THRB: variants seen among roughly 807,000 people sequenced by gnomAD.
The protein encoded by THRB is thyroid hormone receptor beta.
Under a neutral mutation model 47.8 loss-of-function variants are expected in THRB, and 12 were observed. That is an observed-to-expected ratio of 0.25 (90% confidence interval 0.16 to 0.41). The LOEUF is 0.41. Ranked by LOEUF, THRB falls within the 10% of genes least tolerant of loss-of-function variation. The pLI is 1.00. For synonymous variants in THRB, 218 were observed against 212.2 expected (o/e 1.03, Z -0.24); for missense variants, 348 against 589.2 (o/e 0.59, Z 4.24).
chr3:24,272,037 C>T lies in THRB; in HGVS notation c.-43+25189G>A, dbSNP rs148774017. On this transcript the variant is annotated intron_variant, in intron 3 of 10. Coordinates refer to ENST00000646209, the MANE Select transcript of THRB (RefSeq NM_001354712.2). ...CATAATCTTTGGATGGATAGGATTG[C>T]GGACAATTTAAAATTTTCCTATAGT... Among the ~76,000 whole-genome samples the T allele has an allele frequency of 2.6e-3, 391 of 152,226 alleles. 10 individuals are homozygous for T. The highest frequency in any genetic ancestry group is 0.025 in the East Asian group (128 of 5,184).
At position 24,316,229 on chromosome 3, in the gene THRB, CTGGTCAACCACCAAAACAAAA is replaced by C. The variant is rs2058102408; in HGVS notation, c.-188-18879_-188-18859del. On this transcript the variant is annotated intron_variant, in intron 2 of 10. Coordinates refer to ENST00000646209, the MANE Select transcript of THRB (RefSeq NM_001354712.2). The stretch of plus-strand genomic sequence containing the variant: ...TACTACAGAGTCATGAAAATAACTG[CTGGTCAACCACCAAAACAAAA>C]TTTGGCTGAGCACATACTTCTAAAA... 2.0e-5 allele frequency among the ~76,000 whole-genome samples: 3 copies of C among 152,174 alleles called. No individual in the cohort carries two copies. In the South Asian group the frequency reaches 6.2e-4, roughly 32 times the overall value.
In THRB at chr3:24,122,484, C is replaced by T; in HGVS notation, c.*400G>A. The T allele has an allele frequency of 3.3e-6, 1 of 303,724 alleles. No homozygotes were observed. Among genetic ancestry groups the T allele is most frequent in the South Asian group, 3.4e-5 (1 of 29,612 alleles). 18.8% of individuals were successfully genotyped at this position (303,724 alleles called of 1,614,324 possible). On this transcript the variant is annotated 3_prime_UTR_variant, in exon 11 of 11. Coordinates refer to ENST00000646209, the MANE Select transcript of THRB (RefSeq NM_001354712.2). ...TGGTCTGTGCTCTGTTAACTTCAGC[C>T]CTGCGAACATCAGGATTGGGTGGAG...
At chr3:24,378,301 T>C (rs984690928) in intron 1 of THRB, among the ~76,000 whole-genome samples, 2 of 152,204 alleles carry the variant, frequency 1.3e-5, no homozygotes, top group African/African-American at 2.4e-5. Context: ...TGGATAAATG[T>C]AGTAAAATTA....
intron 1 of THRB, among the ~76,000 whole-genome samples, chr3:24,406,781 G>A (rs898895034): frequency 1.3e-5 from 2 of 151,884 alleles, no homozygotes; most frequent in African/African-American, 2.4e-5. Context: ...AATAGAGAGA[G>A]ACATCACAAT....
At chr3:24,280,485 G>GA (rs1257625837) in intron 3 of THRB, among the ~76,000 whole-genome samples, 3 of 152,130 alleles carry the variant, frequency 2.0e-5, no homozygotes, top group African/African-American at 7.2e-5. Context: ...CAAAGATGGG[G>GA]AAAAAACAGA....
At chr3:24,413,780 T>C (rs1158073405) in intron 1 of THRB, among the ~76,000 whole-genome samples, 1 of 151,736 alleles carries the variant, frequency 6.6e-6, no homozygotes, top group Non-Finnish European at 1.5e-5. Context: ...AGTGTTCTCG[T>C]TGTTCAATTC....
intron 3 of THRB, among the ~76,000 whole-genome samples, chr3:24,271,862 G>T (rs2150663107): frequency 6.6e-6 from 1 of 152,094 alleles, no homozygotes; most frequent in South Asian, 2.1e-4. Flanking sequence ...CAATAGTAAA[G>T]GTAGAAGGGA....
chr3:24,196,794 G>C (rs1023520243), intron 4 of THRB, among the ~76,000 whole-genome samples: 1 of 152,228 alleles, frequency 6.6e-6, no homozygotes, highest in Non-Finnish European at 1.5e-5. Context: ...TTGGTGAAGT[G>C]AGCATTTCCT....
At chr3:24,488,506 T>C (rs1380115499) in intron 1 of THRB, among the ~76,000 whole-genome samples, 2 of 151,710 alleles carry the variant, frequency 1.3e-5, no homozygotes. Flanking sequence ...AGTTGAGATA[T>C]GTAAGCCACA....
intron 1 of THRB, among the ~76,000 whole-genome samples, chr3:24,387,078 C>T (rs946459228): frequency 6.6e-6 from 1 of 152,134 alleles, no homozygotes; most frequent in African/African-American, 2.4e-5. Context: ...CATGGCTCTA[C>T]ATATAATAAT....
intron 1 of THRB, among the ~76,000 whole-genome samples, chr3:24,360,712 A>G (rs1427123304): frequency 6.6e-6 from 1 of 152,154 alleles, no homozygotes; most frequent in Non-Finnish European, 1.5e-5. Flanking sequence ...ATTGTTTTAT[A>G]TAGTTCACTT....
At chr3:24,405,911 A>G (rs1395405065) in intron 1 of THRB, among the ~76,000 whole-genome samples, 1 of 151,484 alleles carries the variant, frequency 6.6e-6, no homozygotes, top group East Asian at 1.9e-4. Context: ...ATTATTTTAT[A>G]TATATTTTAA....
chr3:24,184,416 G>C (rs999799462), intron 5 of THRB, among the ~76,000 whole-genome samples: 3 of 152,150 alleles, frequency 2.0e-5, no homozygotes, highest in Non-Finnish European at 4.4e-5. Flanking sequence ...GAAAGCGTGG[G>C]GTGGTCCATC....
chr3:24,329,639 C>T (rs953218699), intron 2 of THRB, among the ~76,000 whole-genome samples: 4 of 152,244 alleles, frequency 2.6e-5, no homozygotes, highest in African/African-American at 9.6e-5. Flanking sequence ...AGTCATGTAT[C>T]CTTTCCACCA....
intron 1 of THRB, among the ~76,000 whole-genome samples, chr3:24,415,235 T>G (rs565749904): frequency 6.6e-6 from 1 of 151,826 alleles, no homozygotes; most frequent in African/African-American, 2.4e-5. Context: ...CTTGTGGGAA[T>G]TGGGACTCAG....
intron 1 of THRB, among the ~76,000 whole-genome samples, chr3:24,423,716 T>A (rs947647290): frequency 1.3e-5 from 2 of 151,894 alleles, no homozygotes; most frequent in African/African-American, 4.8e-5. Context: ...ATATCTGGTG[T>A]AACATGATTA....
At chr3:24,284,660 G>A (rs1382936767) in intron 3 of THRB, among the ~76,000 whole-genome samples, 2 of 149,212 alleles carry the variant, frequency 1.3e-5, no homozygotes, top group Admixed American at 6.6e-5. Context: ...CAGAATGGGA[G>A]AAAATTTTTG....
Position 24,488,819 on chromosome 3 carries a change from T to C in THRB, c.-261+5833A>G, listed in dbSNP as rs947136080. Among the ~76,000 whole-genome samples the C allele has an allele frequency of 3.9e-5, 6 of 152,232 alleles. No homozygotes were observed. The South Asian group carries it at 6.2e-4, about 16-fold the overall frequency. On this transcript the variant is annotated intron_variant, in intron 1 of 10. Coordinates refer to ENST00000646209, the MANE Select transcript of THRB (RefSeq NM_001354712.2). ...CAAATAGCAAACAACTGTTTGCTTT[T>C]AGCACATAAAGTGGTAAGATGATAT...
At chr3:24,236,924 C>G (rs957060955) in intron 3 of THRB, among the ~76,000 whole-genome samples, 2 of 152,184 alleles carry the variant, frequency 1.3e-5, no homozygotes, top group East Asian at 3.9e-4. Context: ...GTTAAGAACT[C>G]AAATAGGAGA....
Sources: gnomAD v4.1 joint callset for allele counts (sites outside exome capture counted in the v4.1 genomes callset) on GRCh38, gnomAD v4.1.1 for gene constraint, MANE v1.5 for transcripts, NCBI Gene and HGNC (gene_info 2026-07-23, HGNC 2026-07-21) for gene names.